KANK1: variants seen among roughly 807,000 people sequenced by gnomAD.
KANK1 encodes KN motif and ankyrin repeat domain-containing protein 1.
Under a neutral mutation model 106.2 loss-of-function variants are expected in KANK1, and 109 were observed. The ratio of observed to expected loss-of-function variants is 1.03; its 90% CI spans 0.88 to 1.20. KANK1 has a LOEUF of 1.20. Ranked by LOEUF, KANK1 falls within the 50% of genes most tolerant of loss-of-function variation. The pLI is 0.00. For synonymous variants in KANK1, 873 were observed against 652.2 expected (o/e 1.34, Z -5.16); for missense variants, 2,399 against 1,710.7 (o/e 1.40, Z -7.10).
intron 1 of KANK1, among the ~76,000 whole-genome samples, chr9:578,628 T>C (rs1031119085): frequency 6.6e-6 from 1 of 152,150 alleles, no homozygotes; most frequent in African/African-American, 2.4e-5. Flanking sequence ...GCTAGATTTA[T>C]GCACTGTTAA....
At chr9:517,771 C>G (rs1323231667) in intron 1 of KANK1, among the ~76,000 whole-genome samples, 1 of 144,522 alleles carries the variant, frequency 6.9e-6, no homozygotes, top group East Asian at 2.0e-4. Context: ...CAGAGTCTCG[C>G]TCTGTCACCC....
chr9:692,809 A>G (rs1471874676), intron 2 of KANK1, among the ~76,000 whole-genome samples: 1 of 152,100 alleles, frequency 6.6e-6, no homozygotes, highest in African/African-American at 2.4e-5. Context: ...GAGCTCAGGC[A>G]TTCGAGCCCA....
chr9:728,575 A>G (rs1831365034), intron 3 of KANK1, among the ~76,000 whole-genome samples: 1 of 152,206 alleles, frequency 6.6e-6, no homozygotes, highest in East Asian at 1.9e-4. Flanking sequence ...GAATCCCCTT[A>G]CCTGTCCAGG....
At chr9:632,882 C>T (rs368955574) in intron 1 of KANK1, among the ~76,000 whole-genome samples, 1 of 151,374 alleles carries the variant, frequency 6.6e-6, no homozygotes, top group Non-Finnish European at 1.5e-5. Flanking sequence ...TTAGTAGACA[C>T]GGGGTTTCGC....
At chr9:566,460 T>G (rs894381666) in intron 1 of KANK1, among the ~76,000 whole-genome samples, 1 of 152,242 alleles carries the variant, frequency 6.6e-6, no homozygotes, top group Non-Finnish European at 1.5e-5. Flanking sequence ...GTTGAACTAA[T>G]TTATACTTCC....
At chr9:734,959 C>T in intron 7 of KANK1, 124 bp downstream of exon 7, 1 of 691,088 alleles carries the variant, frequency 1.4e-6, no homozygotes, top group Non-Finnish European at 2.6e-6. Context: ...CTGTTTCCAG[C>T]ATGAGTGGGC....
chr9:726,137 AT>A (rs915139563), intron 3 of KANK1, among the ~76,000 whole-genome samples: 5 of 151,382 alleles, frequency 3.3e-5, no homozygotes, highest in Admixed American at 6.6e-5. Context: ...CCTCTTTTGT[AT>A]TTTTTTTTCC....
chr9:492,745 C>T (rs1452374559), intron 3 of KANK1, among the ~76,000 whole-genome samples: 1 of 152,014 alleles, frequency 6.6e-6, no homozygotes, highest in Non-Finnish European at 1.5e-5. Context: ...ATAGTTGTGG[C>T]CAGGTGCGGT....
rs577156322 is a variant in KANK1, at chr9:712,280, C to G, written c.1514C>G (p.Thr505Arg). The G allele has an allele frequency of 6.8e-6, 11 of 1,614,152 alleles. No homozygotes were observed. The East Asian group carries it at 1.1e-4, about 16-fold the overall frequency. ...AGSRKKVDKA[T>R]MAQPLVFSKV... is the part of the protein sequence containing the mutation. ...TCGAGGAAAAAGGTTGACAAAGCCA[C>G]GATGGCCCAGCCGCTTGTTTTCAGT... Residue 505 changes from threonine to arginine, a missense_variant, in exon 3 of 12, where the codon ACG becomes AGG. Physicochemically the swap from Thr to Arg is moderately conservative, Grantham distance 71. Coordinates refer to ENST00000382297, the MANE Select transcript of KANK1 (RefSeq NM_015158.5).
intron 1 of KANK1, among the ~76,000 whole-genome samples, chr9:672,576 TCTAA>T (rs1164456716): frequency 5.6e-5 from 8 of 143,944 alleles, no homozygotes; most frequent in African/African-American, 1.5e-4. Flanking sequence ...TTATCTTGTT[TCTAA>T]CTGAGATAGT....
At chr9:485,122 G>A (rs920011596) in intron 3 of KANK1, among the ~76,000 whole-genome samples, 24 of 152,178 alleles carry the variant, frequency 1.6e-4, no homozygotes, top group African/African-American at 5.8e-4. Context: ...CACCCTCACT[G>A]TCAGTCACTG....
At chr9:743,358 G>A (rs965309805) in intron 10 of KANK1, among the ~76,000 whole-genome samples, 1 of 152,252 alleles carries the variant, frequency 6.6e-6, no homozygotes, top group Non-Finnish European at 1.5e-5. Flanking sequence ...GCACATGGAA[G>A]CTGCAGCTGT....
At chr9:628,413 G>A (rs1834870889) in intron 1 of KANK1, among the ~76,000 whole-genome samples, 4 of 152,132 alleles carry the variant, frequency 2.6e-5, no homozygotes, top group African/African-American at 9.7e-5. Context: ...CAGTAGGGGG[G>A]GTTCCTGTAT....
intron 1 of KANK1, among the ~76,000 whole-genome samples, chr9:643,907 T>C (rs909410957): frequency 2.7e-5 from 4 of 150,820 alleles, no homozygotes; most frequent in Non-Finnish European, 5.9e-5. Flanking sequence ...TTCACCATGT[T>C]GCCCAGGCTG....
chr9:485,644 G>A (rs896988424), intron 3 of KANK1, among the ~76,000 whole-genome samples: 9 of 152,070 alleles, frequency 5.9e-5, no homozygotes, highest in Non-Finnish European at 8.8e-5. Context: ...AGGCCGAGGC[G>A]GGCAGATCAC....
chr9:486,745 A>G (rs1476055126), intron 3 of KANK1, among the ~76,000 whole-genome samples: 1 of 152,250 alleles, frequency 6.6e-6, no homozygotes, highest in Non-Finnish European at 1.5e-5. Context: ...AAAAAAATAA[A>G]AAGCAAAAAC....
chr9:672,641 TCTAA>T (rs1288413407), intron 1 of KANK1, among the ~76,000 whole-genome samples: 1 of 152,198 alleles, frequency 6.6e-6, no homozygotes, highest in Non-Finnish European at 1.5e-5. Flanking sequence ...CTCAATTTTA[TCTAA>T]CTACTTGTTT....
upstream of KANK1, among the ~76,000 whole-genome samples, chr9:500,841 C>G (rs544569830): frequency 6.6e-6 from 1 of 152,228 alleles, no homozygotes; most frequent in South Asian, 2.1e-4. Context: ...GAGGCCCTCA[C>G]AAAATCTGAA....
chr9:531,952 G>T (rs547638499), intron 1 of KANK1, among the ~76,000 whole-genome samples: 1 of 152,288 alleles, frequency 6.6e-6, no homozygotes, highest in South Asian at 2.1e-4. Context: ...CATCCACCTG[G>T]CCTCCAAGCA....
Sources: allele counts gnomAD v4.1 joint callset (sites outside exome capture counted in the v4.1 genomes callset), GRCh38; gene constraint gnomAD v4.1.1; transcripts MANE v1.5; gene names NCBI Gene and HGNC (gene_info 2026-07-23, HGNC 2026-07-21).